Variants in SORCS3 observed in about 807,000 individuals in gnomAD.
SORCS3 encodes sortilin related VPS10 domain containing receptor 3.
SORCS3 carries 57 observed loss-of-function variants against 146.3 expected under a neutral mutation model. That is an observed-to-expected ratio of 0.39 (90% confidence interval 0.31 to 0.49). SORCS3 has a LOEUF of 0.49. Among genes scored for constraint, SORCS3 ranks in the 20% least tolerant of loss-of-function variants. The probability of loss-of-function intolerance (pLI) is 0.92; values close to 1 mark genes in which losing one functional copy is unlikely to be tolerated. For synonymous variants in SORCS3, 653 were observed against 618.5 expected (o/e 1.06, Z -0.83); for missense variants, 1,341 against 1,575.5 (o/e 0.85, Z 2.52).
intron 14 of SORCS3, among the ~76,000 whole-genome samples, chr10:105,193,509 G>T (rs967316548): frequency 2.0e-5 from 3 of 152,128 alleles, no homozygotes; most frequent in Non-Finnish European, 2.9e-5. Flanking sequence ...CCAGGAGATG[G>T]ATAGCTTTGA....
At chr10:104,922,671 C>T (rs1196451758) in intron 3 of SORCS3, among the ~76,000 whole-genome samples, 10 of 152,082 alleles carry the variant, frequency 6.6e-5, no homozygotes, top group Non-Finnish European at 7.4e-5. Flanking sequence ...ATGAAACATC[C>T]GTGTTTTGAA....
intron 3 of SORCS3, among the ~76,000 whole-genome samples, chr10:104,935,292 T>G (rs1158671083): frequency 6.6e-6 from 1 of 152,224 alleles, no homozygotes; most frequent in Non-Finnish European, 1.5e-5. Flanking sequence ...TGAACTCTAT[T>G]GAGTTCTAGA....
intron 1 of SORCS3, among the ~76,000 whole-genome samples, chr10:104,687,056 T>C (rs370706857): frequency 1.3e-5 from 2 of 152,202 alleles, no homozygotes; most frequent in East Asian, 1.9e-4. Flanking sequence ...CATCCATCCA[T>C]GTATGCATCC....
chr10:104,973,777 A>T (rs2054876557), intron 3 of SORCS3, among the ~76,000 whole-genome samples: 3 of 144,360 alleles, frequency 2.1e-5, no homozygotes, highest in African/African-American at 5.6e-5. Context: ...AGTTCTTTTA[A>T]TTGTGATGTT....
chr10:104,670,876 C>A (rs1016061587), intron 1 of SORCS3, among the ~76,000 whole-genome samples: 3 of 122,270 alleles, frequency 2.5e-5, no homozygotes, highest in African/African-American at 7.6e-5. Flanking sequence ...TCATTGACAA[C>A]TCTTTTCTGT....
At chr10:104,726,436 G>A (rs187039829) in intron 1 of SORCS3, among the ~76,000 whole-genome samples, 3 of 152,256 alleles carry the variant, frequency 2.0e-5, no homozygotes, top group Non-Finnish European at 2.9e-5. Flanking sequence ...GTAGGCCAAC[G>A]TGGTGGGTGA....
chr10:104,873,738 C>CGA (rs1306654910), intron 2 of SORCS3, among the ~76,000 whole-genome samples: 2 of 152,170 alleles, frequency 1.3e-5, no homozygotes, highest in African/African-American at 4.8e-5. Context: ...TGCTCTCCCA[C>CGA]CACAGAGGCA....
intron 9 of SORCS3, among the ~76,000 whole-genome samples, chr10:105,149,581 G>C (rs567468154): frequency 1.3e-5 from 2 of 152,240 alleles, no homozygotes; most frequent in East Asian, 3.9e-4. Context: ...TTGGATTAAT[G>C]TTCCCAGGAC....
At chr10:105,092,644 T>C (rs1469642775) in intron 6 of SORCS3, among the ~76,000 whole-genome samples, 2 of 130,432 alleles carry the variant, frequency 1.5e-5, no homozygotes, top group Non-Finnish European at 3.5e-5. Context: ...CACACATCTC[T>C]ACCATCATTT....
intron 13 of SORCS3, among the ~76,000 whole-genome samples, chr10:105,167,834 G>T (rs1479174732): frequency 6.6e-6 from 1 of 152,164 alleles, no homozygotes; most frequent in Non-Finnish European, 1.5e-5. Flanking sequence ...TTAACCACTA[G>T]GTGGTAGTTA....
chr10:105,117,767 C>T (rs1220069173), intron 7 of SORCS3, among the ~76,000 whole-genome samples: 1 of 152,204 alleles, frequency 6.6e-6, no homozygotes. Flanking sequence ...GCCTCTGCCA[C>T]TGCATTGAAA....
intron 20 of SORCS3, among the ~76,000 whole-genome samples, chr10:105,233,571 C>T (rs1436127907): frequency 1.3e-5 from 2 of 152,098 alleles, no homozygotes; most frequent in African/African-American, 2.4e-5. Flanking sequence ...CCCACCCCTC[C>T]TTGACAGGCC....
At chr10:104,754,515 G>T (rs1401466305) in intron 1 of SORCS3, among the ~76,000 whole-genome samples, 5 of 151,938 alleles carry the variant, frequency 3.3e-5, no homozygotes, top group Non-Finnish European at 7.4e-5. Context: ...GTCCAGAATA[G>T]GGGGGGAAAA....
intron 1 of SORCS3, among the ~76,000 whole-genome samples, chr10:104,730,188 A>G (rs1490487285): frequency 6.6e-6 from 1 of 152,226 alleles, no homozygotes; most frequent in Admixed American, 6.5e-5. Flanking sequence ...TCTGCCAGAC[A>G]TTATTCTGAA....
At chr10:104,738,821 G>A (rs1480534094) in intron 1 of SORCS3, among the ~76,000 whole-genome samples, 1 of 152,124 alleles carries the variant, frequency 6.6e-6, no homozygotes, top group Non-Finnish European at 1.5e-5. Context: ...CAGTACTCAA[G>A]GTCTGAAGAT....
chr10:105,139,462 G>A lies in SORCS3; in HGVS notation c.1278G>A (p.Lys426=). The A allele has an allele frequency of 1.2e-6, 2 of 1,613,620 alleles. No homozygotes were observed. The highest frequency in any genetic ancestry group is 1.7e-6 in the Non-Finnish European group (2 of 1,179,614). The change falls in exon 8 of 27, where the codon AAG becomes AAA. Residue 426 remains lysine, a synonymous_variant. Coordinates refer to ENST00000369701, the MANE Select transcript of SORCS3 (RefSeq NM_014978.3). ...GAAGAGAGGCCTTTGCTCAGATAAAGCTGCCTAAGTACTCGTTGCCAAAGG... is the reference window on the plus strand; with the variant it reads ...GAAGAGAGGCCTTTGCTCAGATAAAACTGCCTAAGTACTCGTTGCCAAAGG... The part of the protein sequence containing the change: ...SYRREAFAQI[K]LPKYSLPKDM...
chr10:104,993,878 T>C (rs1424830152), intron 4 of SORCS3, among the ~76,000 whole-genome samples: 1 of 152,244 alleles, frequency 6.6e-6, no homozygotes, highest in Non-Finnish European at 1.5e-5. Context: ...CCAACATTTG[T>C]CTTTTTTCCT....
chr10:105,128,435 A>G (rs1383430065), intron 7 of SORCS3, among the ~76,000 whole-genome samples: 3 of 152,170 alleles, frequency 2.0e-5, no homozygotes, highest in Admixed American at 2.0e-4. Flanking sequence ...CAAGCCTTCC[A>G]GAAATCCCAT....
intron 1 of SORCS3, among the ~76,000 whole-genome samples, chr10:104,736,947 C>A (rs1398070301): frequency 6.6e-6 from 1 of 151,552 alleles, no homozygotes; most frequent in African/African-American, 2.4e-5. Flanking sequence ...CACCCCACAA[C>A]AGTCCCCAGA....
Sources: allele counts gnomAD v4.1 joint callset (sites outside exome capture counted in the v4.1 genomes callset), GRCh38; gene constraint gnomAD v4.1.1; transcripts MANE v1.5; gene names NCBI Gene and HGNC (gene_info 2026-07-23, HGNC 2026-07-21).